The following TUSC3 variants were observed in gnomAD, a reference collection of about 807,000 sequenced individuals.
TUSC3 encodes the protein dolichyl-diphosphooligosaccharide--protein glycosyltransferase subunit TUSC3.
Under a neutral mutation model 44.8 loss-of-function variants are expected in TUSC3, and 45 were observed. That is an observed-to-expected ratio of 1.00 (90% CI 0.79 to 1.29). The LOEUF (loss-of-function observed/expected upper bound fraction) is 1.29. TUSC3 is among the 50% of genes most tolerant of loss of function. The pLI is 0.00. For missense variants in TUSC3, 519 were observed against 437.9 expected, an observed-to-expected ratio of 1.19 and a Z score of -1.65; for synonymous variants, 212 against 152.9, an observed-to-expected ratio of 1.39 and a Z score of -2.85.
chr8:15,761,208 A>G (rs1178542291), intron 10 of TUSC3, among the ~76,000 whole-genome samples: 1 of 152,196 alleles, frequency 6.6e-6, no homozygotes, highest in Non-Finnish European at 1.5e-5. Flanking sequence ...CCTATGGAAT[A>G]TTAATCCTTA....
At chr8:15,646,755 A>C (rs2129174046) in intron 2 of TUSC3, among the ~76,000 whole-genome samples, 1 of 152,236 alleles carries the variant, frequency 6.6e-6, no homozygotes, top group South Asian at 2.1e-4. Context: ...ATCCTACCAG[A>C]GAATGTTTCT....
intron 2 of TUSC3, among the ~76,000 whole-genome samples, chr8:15,626,835 C>A (rs370873886): frequency 2.6e-4 from 40 of 152,272 alleles, no homozygotes; most frequent in African/African-American, 9.4e-4. Context: ...CTGAGGGGGG[C>A]CCTGAGGGAA....
chr8:15,664,922 C>A (rs1321011620), intron 5 of TUSC3, among the ~76,000 whole-genome samples: 1 of 151,140 alleles, frequency 6.6e-6, no homozygotes, highest in African/African-American at 2.4e-5. Context: ...CCATTACCAT[C>A]ACCACCAAAC....
downstream of TUSC3, among the ~76,000 whole-genome samples, chr8:15,767,355 T>A (rs1812360916): frequency 6.6e-6 from 1 of 151,746 alleles, no homozygotes; most frequent in Non-Finnish European, 1.5e-5. Context: ...TCTATCTATT[T>A]CCATTAAAAA....
chr8:15,610,149 CGTT>C (rs1390561817), intron 1 of TUSC3, among the ~76,000 whole-genome samples: 2 of 151,806 alleles, frequency 1.3e-5, no homozygotes, highest in Non-Finnish European at 2.9e-5. Flanking sequence ...TATTTTGTAT[CGTT>C]GTTTTTATGA....
intron 4 of TUSC3, 35 bp from the exon 5 acceptor site, chr8:15,662,121 C>T: frequency 1.2e-6 from 2 of 1,610,912 alleles, no homozygotes; most frequent in Non-Finnish European, 1.7e-6. Context: ...TTTTATTTTT[C>T]TTTCATTTTT....
chr8:15,460,843 T>G (rs1190939649), intron 1 of TUSC3, among the ~76,000 whole-genome samples: 1 of 152,144 alleles, frequency 6.6e-6, no homozygotes, highest in Non-Finnish European at 1.5e-5. Context: ...GCTGTAAGTA[T>G]TTGGGTTTAT....
At chr8:15,732,744 A>C (rs1202602591) in intron 7 of TUSC3, among the ~76,000 whole-genome samples, 1 of 152,200 alleles carries the variant, frequency 6.6e-6, no homozygotes. Context: ...TGAAGTTGAG[A>C]AGAACAAGAT....
At position 15,723,174 on chromosome 8, in the gene TUSC3, A is replaced by G. The variant is rs534785917; in HGVS notation, c.799-7492A>G. 2.0e-5 allele frequency among the ~76,000 whole-genome samples: 3 copies of G among 152,288 alleles called. No homozygotes were observed. In the East Asian group the frequency reaches 5.8e-4, roughly 29 times the overall value. On this transcript the variant is annotated intron_variant, in intron 6 of 10. Coordinates refer to ENST00000503731, the MANE Select transcript of TUSC3 (RefSeq NM_006765.4). ...CCTCAAATAGGAAAATAAAATTCTA[A>G]GATGACTTTTTGGAGTATGCCTGGG...
intron 7 of TUSC3, 79 bp from the exon 8 acceptor site, chr8:15,743,459 G>C: frequency 3.5e-6 from 5 of 1,408,970 alleles, no homozygotes; most frequent in Non-Finnish European, 5.0e-6. Context: ...AACCATTCTG[G>C]AACATTGTGT....
intron 1 of TUSC3, among the ~76,000 whole-genome samples, chr8:15,462,790 C>G (rs1013088873): frequency 6.6e-6 from 1 of 152,094 alleles, no homozygotes; most frequent in Non-Finnish European, 1.5e-5. Context: ...TCAGAAATAA[C>G]TTCCAACAGT....
At chr8:15,767,445 A>G (rs931966376), downstream of TUSC3, among the ~76,000 whole-genome samples, 1 of 151,814 alleles carries the variant, frequency 6.6e-6, no homozygotes, top group African/African-American at 2.4e-5. Flanking sequence ...AAAAAAAAAA[A>G]ACACTGTCAC....
intron 6 of TUSC3, among the ~76,000 whole-genome samples, chr8:15,719,138 A>G (rs979994921): frequency 5.3e-5 from 8 of 152,038 alleles, no homozygotes; most frequent in Non-Finnish European, 1.2e-4. Flanking sequence ...GACATAGTTC[A>G]TGTCACTCTT....
At chr8:15,426,670 C>A (rs908352832) in intron 1 of TUSC3, among the ~76,000 whole-genome samples, 1 of 152,202 alleles carries the variant, frequency 6.6e-6, no homozygotes, top group Admixed American at 6.5e-5. Flanking sequence ...CATAACTTAG[C>A]TTCATGAATG....
chr8:15,821,822 A>T, the TUSC3 span, among the ~76,000 whole-genome samples: 4 of 152,148 alleles, frequency 2.6e-5, no homozygotes, highest in African/African-American at 9.7e-5. Flanking sequence ...TGTAATTAGC[A>T]AAAGGATTGG....
chr8:15,544,066 GAAGATTGGA>G lies in TUSC3; in HGVS notation c.138+3501_138+3509del, dbSNP rs1268946700. Among the ~76,000 whole-genome samples, 7 of 152,124 alleles carry G rather than the reference GAAGATTGGA, an allele frequency of 4.6e-5. No individual in the cohort carries two copies. In the East Asian group the frequency reaches 1.3e-3, roughly 29 times the overall value. On this transcript the variant is annotated intron_variant, in intron 1 of 10. Transcript: ENST00000503731. ...TGAGAGAGTTAAGTGAATAGGCAAA[GAAGATTGGA>G]AATTTGTATAGTCACTTTTCTTAAT...
At chr8:15,616,989 C>A (rs1315624466) in intron 1 of TUSC3, among the ~76,000 whole-genome samples, 1 of 152,092 alleles carries the variant, frequency 6.6e-6, no homozygotes, top group Non-Finnish European at 1.5e-5. Context: ...GCTTGCTGGC[C>A]ACAGAGATTT....
In TUSC3 at chr8:15,523,688, G is replaced by GTATATATATA. The variant is rs1296439729; in HGVS notation, n.189+40206_189+40207insATATATATAT. Among the ~76,000 whole-genome samples, 128 of 49,986 alleles carry GTATATATATA rather than the reference G, an allele frequency of 2.6e-3. 2 individuals carry two copies. The highest frequency in any genetic ancestry group is 9.0e-3 in the African/African-American group (107 of 11,824). The allele number at this position is 49,986 out of a possible 152,430, so 32.8% of individuals were successfully genotyped here. On this transcript the variant is annotated intron_variant and non_coding_transcript_variant, in intron 2 of 5. Coordinates refer to the TUSC3 transcript ENST00000503191. ...TATGTGTGTGTGTGTGTGTGTGTGTGTGTGTGTGTGTGTGTGTGTGTATAT... is the reference window on the plus strand; with the variant it reads ...TATGTGTGTGTGTGTGTGTGTGTGTGTATATATATATGTGTGTGTGTGTGTGTGTGTATAT...
intron 2 of TUSC3, among the ~76,000 whole-genome samples, chr8:15,511,453 A>G (rs1457901310): frequency 6.6e-6 from 1 of 152,242 alleles, no homozygotes; most frequent in Non-Finnish European, 1.5e-5. Context: ...CAAAGTCAAT[A>G]TACAAAAATG....
Sources: gnomAD v4.1 joint callset for allele counts (sites outside exome capture counted in the v4.1 genomes callset) on GRCh38, gnomAD v4.1.1 for gene constraint, MANE v1.5 for transcripts, NCBI Gene and HGNC (gene_info 2026-07-23, HGNC 2026-07-21) for gene names.